Variants in SLX4IP observed in about 807,000 individuals in gnomAD.
SLX4IP encodes SLX4 interacting protein, also known as protein SLX4IP.
A neutral mutation model predicts 32.9 loss-of-function variants in SLX4IP; 34 were observed. The observed-to-expected ratio is 1.03, with a 90% CI of 0.79 to 1.38. The LOEUF (loss-of-function observed/expected upper bound fraction) is 1.38. SLX4IP is among the 40% of genes most tolerant of loss of function. The probability of loss-of-function intolerance (pLI) is 0.00; values close to 1 mark genes in which losing one functional copy is unlikely to be tolerated. For synonymous variants in SLX4IP, 172 were observed against 171.7 expected (o/e 1.00, Z -0.01); for missense variants, 444 against 479.0 (o/e 0.93, Z 0.68).
intron 2 of SLX4IP, among the ~76,000 whole-genome samples, chr20:10,462,726 T>A (rs2065348110): frequency 6.6e-6 from 1 of 152,146 alleles, no homozygotes; most frequent in Non-Finnish European, 1.5e-5. Context: ...AGGGAACCAG[T>A]CAGATGAGGG....
intron 4 of SLX4IP, among the ~76,000 whole-genome samples, chr20:10,563,554 C>T (rs998045064): frequency 6.6e-6 from 1 of 152,100 alleles, no homozygotes; most frequent in African/African-American, 2.4e-5. Flanking sequence ...AAATTCAAGT[C>T]TTTAATTCAT....
chr20:10,489,594 C>G (rs2065603058), intron 2 of SLX4IP, among the ~76,000 whole-genome samples: 1 of 152,154 alleles, frequency 6.6e-6, no homozygotes, highest in South Asian at 2.1e-4. Context: ...TCCCCAGAAC[C>G]CTTTTATACC....
At chr20:10,453,547 A>G (rs1337226666) in intron 1 of SLX4IP, among the ~76,000 whole-genome samples, 1 of 152,184 alleles carries the variant, frequency 6.6e-6, no homozygotes, top group Non-Finnish European at 1.5e-5. Flanking sequence ...GAGAAAAAAT[A>G]CATGAAACAG....
chr20:10,577,810 A>G (rs2066538700), intron 4 of SLX4IP, among the ~76,000 whole-genome samples: 1 of 152,254 alleles, frequency 6.6e-6, no homozygotes, highest in Non-Finnish European at 1.5e-5. Flanking sequence ...GGAAAATTAT[A>G]GAATTCACCA....
Position 10,556,256 on chromosome 20 carries a change from A to G in SLX4IP, c.53A>G (p.Asp18Gly). ...VKCGNFAVLV[D>G]LHILPQGSNK... Reference sequence around the variant, plus strand: ...TGTGGGAATTTTGCTGTCCTCGTGGATCTTCATATCTTGCCACAAGGTTCA... The same window carrying G: ...TGTGGGAATTTTGCTGTCCTCGTGGGTCTTCATATCTTGCCACAAGGTTCA... The change falls in exon 3 of 8, where the codon GAT (aspartate) becomes GGT (glycine). Residue 18 changes from aspartate to glycine, a missense_variant. By Grantham distance (94) the Asp-to-Gly change is moderately conservative. Transcript: ENST00000334534. The G allele has an allele frequency of 6.2e-7, 1 of 1,613,634 alleles. No homozygotes were observed. Among genetic ancestry groups the G allele is most frequent in the Admixed American group, 1.7e-5 (1 of 59,930 alleles).
intron 2 of SLX4IP, among the ~76,000 whole-genome samples, chr20:10,533,138 T>C (rs1331909270): frequency 2.0e-5 from 3 of 152,082 alleles, no homozygotes; most frequent in African/African-American, 7.2e-5. Flanking sequence ...TTGGGAAAAC[T>C]CTCATATGAA....
chr20:10,481,893 A>T (rs2065525212), intron 2 of SLX4IP, among the ~76,000 whole-genome samples: 1 of 152,160 alleles, frequency 6.6e-6, no homozygotes, highest in African/African-American at 2.4e-5. Flanking sequence ...TTGGCTGGAG[A>T]CATCTGTTTC....
chr20:10,569,975 A>T (rs2066443519), intron 4 of SLX4IP, among the ~76,000 whole-genome samples: 1 of 152,172 alleles, frequency 6.6e-6, no homozygotes, highest in Non-Finnish European at 1.5e-5. Flanking sequence ...TTGCAGGGAG[A>T]GGTGCACAGC....
intron 4 of SLX4IP, among the ~76,000 whole-genome samples, chr20:10,569,631 G>A (rs967427008): frequency 9.2e-5 from 14 of 152,088 alleles, no homozygotes; most frequent in African/African-American, 3.4e-4. Flanking sequence ...TCTCTCCTTT[G>A]CTTGTTGATG....
chr20:10,485,992 G>A (rs1164004405), intron 2 of SLX4IP, among the ~76,000 whole-genome samples: 4 of 151,996 alleles, frequency 2.6e-5, no homozygotes, highest in African/African-American at 9.7e-5. Flanking sequence ...AGTGGAGGAG[G>A]TAGGATAGGC....
At chr20:10,452,182 C>G (rs2065246945) in intron 1 of SLX4IP, among the ~76,000 whole-genome samples, 4 of 152,228 alleles carry the variant, frequency 2.6e-5, no homozygotes, top group Non-Finnish European at 5.9e-5. Context: ...TTTCCTCCAT[C>G]CTTGTGAGCT....
intron 2 of SLX4IP, among the ~76,000 whole-genome samples, chr20:10,501,790 T>G (rs768185713): frequency 1.3e-5 from 2 of 152,266 alleles, no homozygotes; most frequent in Non-Finnish European, 2.9e-5. Flanking sequence ...CGTGTCAAAA[T>G]GTATTCATTT....
At chr20:10,574,893 G>A (rs980239610) in intron 4 of SLX4IP, among the ~76,000 whole-genome samples, 29 of 152,108 alleles carry the variant, frequency 1.9e-4, no homozygotes, top group Middle Eastern at 3.4e-3. Context: ...GGCTGGTCTC[G>A]AACTCCTGAT....
At chr20:10,478,303 A>G (rs1311282832) in intron 2 of SLX4IP, among the ~76,000 whole-genome samples, 2 of 152,226 alleles carry the variant, frequency 1.3e-5, no homozygotes, top group Non-Finnish European at 2.9e-5. Context: ...TTTCCTATTT[A>G]GTTCAGTAGG....
At chr20:10,488,741 A>G (rs1167765734) in intron 2 of SLX4IP, among the ~76,000 whole-genome samples, 1 of 152,218 alleles carries the variant, frequency 6.6e-6, no homozygotes, top group East Asian at 1.9e-4. Context: ...ATTTCTTAAT[A>G]TAGCTAAAAT....
At chr20:10,556,440 A>G in intron 3 of SLX4IP, 120 bp downstream of exon 3, 1 of 996,786 alleles carries the variant, frequency 1.0e-6, no homozygotes. Context: ...TAATCCTTGA[A>G]AAACAATTGT....
At chr20:10,583,782 T>C (rs1220759395) in intron 4 of SLX4IP, among the ~76,000 whole-genome samples, 1 of 152,248 alleles carries the variant, frequency 6.6e-6, no homozygotes, top group Non-Finnish European at 1.5e-5. Context: ...AATTAATCAG[T>C]ATTTTAGATT....
At chr20:10,556,756 C>T (rs1193052714) in intron 3 of SLX4IP, among the ~76,000 whole-genome samples, 2 of 152,174 alleles carry the variant, frequency 1.3e-5, no homozygotes, top group African/African-American at 4.8e-5. Context: ...TATTTTCTAT[C>T]ATCCTTGTAT....
At chr20:10,591,006 A>C (rs1224764271) in intron 4 of SLX4IP, among the ~76,000 whole-genome samples, 4 of 152,192 alleles carry the variant, frequency 2.6e-5, no homozygotes, top group African/African-American at 9.6e-5. Context: ...ATTTCACATA[A>C]AAACTTGGAT....
Sources: allele counts gnomAD v4.1 joint callset (sites outside exome capture counted in the v4.1 genomes callset), GRCh38; gene constraint gnomAD v4.1.1; transcripts MANE v1.5; gene names NCBI Gene and HGNC (gene_info 2026-07-23, HGNC 2026-07-21).